Variants in ZNF277 observed in about 807,000 individuals in gnomAD.
ZNF277 encodes nuclear receptor-interacting factor 4.
A neutral mutation model predicts 60.7 loss-of-function variants in ZNF277; 55 were observed. That is an observed-to-expected ratio of 0.91 (90% CI 0.73 to 1.13). ZNF277 has a LOEUF of 1.13. ZNF277 is among the 50% of genes most tolerant of loss of function. ZNF277 has a pLI of 0.00. For missense variants in ZNF277, 510 were observed against 523.0 expected (o/e 0.98, Z 0.24); for synonymous variants, 178 against 179.3 (o/e 0.99, Z 0.06).
At chr7:112,319,772 T>G (rs1172465936) in intron 5 of ZNF277, among the ~76,000 whole-genome samples, 1 of 151,306 alleles carries the variant, frequency 6.6e-6, no homozygotes, top group Non-Finnish European at 1.5e-5. Context: ...AAGGTTTGAT[T>G]CTCAGATCAG....
chr7:112,337,854 T>G (rs1793363857), intron 9 of ZNF277, 28 bp downstream of exon 9: 1 of 1,576,448 alleles, frequency 6.3e-7, no homozygotes, highest in Admixed American at 1.7e-5. Flanking sequence ...ATTTGAATTT[T>G]GTTTTATTCT....
intron 1 of ZNF277, among the ~76,000 whole-genome samples, chr7:112,235,083 G>C (rs1256338860): frequency 6.6e-6 from 1 of 151,644 alleles, no homozygotes. Context: ...TCAATCTTTT[G>C]TGTACTACTG....
chr7:112,271,745 C>T (rs1374331290), intron 1 of ZNF277, among the ~76,000 whole-genome samples: 1 of 151,956 alleles, frequency 6.6e-6, no homozygotes, highest in Non-Finnish European at 1.5e-5. Flanking sequence ...TAAAATTATA[C>T]TTGGTTCTTT....
chr7:112,210,386 T>G (rs1027247071), intron 1 of ZNF277, among the ~76,000 whole-genome samples: 2 of 152,154 alleles, frequency 1.3e-5, no homozygotes, highest in Non-Finnish European at 2.9e-5. Flanking sequence ...GTTGCCAGAC[T>G]TCTGTGGCTC....
chr7:112,317,810 A>T (rs1311512880), intron 4 of ZNF277, among the ~76,000 whole-genome samples: 1 of 152,112 alleles, frequency 6.6e-6, no homozygotes, highest in Non-Finnish European at 1.5e-5. Context: ...TTCAAATGAA[A>T]AATTGATCAG....
At chr7:112,229,564 AG>A (rs1383406263) in intron 1 of ZNF277, among the ~76,000 whole-genome samples, 2 of 152,214 alleles carry the variant, frequency 1.3e-5, no homozygotes, top group Non-Finnish European at 2.9e-5. Context: ...AGCATTTAGT[AG>A]AATCTCTCTA....
At chr7:112,317,151 G>A (rs544435239) in intron 4 of ZNF277, among the ~76,000 whole-genome samples, 1 of 152,128 alleles carries the variant, frequency 6.6e-6, no homozygotes, top group South Asian at 2.1e-4. Context: ...GGCCTATCAG[G>A]GGTTGAGGGG....
chr7:112,325,514 C>T (rs1793073165), intron 5 of ZNF277, among the ~76,000 whole-genome samples: 1 of 152,176 alleles, frequency 6.6e-6, no homozygotes, highest in Non-Finnish European at 1.5e-5. Context: ...GGGTAGCCTC[C>T]CAACACTCAT....
At chr7:112,218,050 TGG>T (rs946261487) in intron 1 of ZNF277, among the ~76,000 whole-genome samples, 1 of 152,172 alleles carries the variant, frequency 6.6e-6, no homozygotes, top group African/African-American at 2.4e-5. Flanking sequence ...TCCCCAAATT[TGG>T]GGAGATTGAT....
rs1391390332 is a variant in ZNF277 at position 112,206,782 on chromosome 7, C to T, written c.66C>T (p.Ser22=). Residue 22 remains serine, a synonymous_variant, in exon 1 of 12, where the codon AGC becomes AGT. Coordinates refer to ENST00000361822, the MANE Select transcript of ZNF277 (RefSeq NM_021994.3). The part of the protein sequence containing the change: ...RMQEDRDGSC[S]TVGGVGYGDS... ...AGGAAGACCGTGATGGGAGCTGCAGCACAGTCGGGGGTGTAGGTTATGGGG... is the reference window on the plus strand; with the variant it reads ...AGGAAGACCGTGATGGGAGCTGCAGTACAGTCGGGGGTGTAGGTTATGGGG... 6.2e-7 allele frequency: 1 copy of T among 1,613,350 alleles called. No individual in the cohort carries two copies. The highest frequency in any genetic ancestry group is 1.1e-5 in the South Asian group (1 of 91,050).
chr7:112,287,222 A>C, intron 2 of ZNF277, 148 bp downstream of exon 2: 1 of 731,200 alleles, frequency 1.4e-6, no homozygotes, highest in Non-Finnish European at 2.2e-6. Flanking sequence ...ACAAAATTTA[A>C]AAATTATCTA....
chr7:112,338,470 A>G lies in ZNF277; in HGVS notation c.966+644A>G, dbSNP rs555475707. Among the ~76,000 whole-genome samples the G allele has an allele frequency of 9.8e-5, 15 of 152,312 alleles. No individual in the cohort carries two copies. The South Asian group carries it at 2.7e-3, about 27-fold the overall frequency. On this transcript the variant is annotated intron_variant, in intron 9 of 11. Coordinates refer to ENST00000361822, the MANE Select transcript of ZNF277 (RefSeq NM_021994.3). Reference sequence around the variant, plus strand: ...ATGTAATGATTCATGATAGTATCACAGCTTGTGGGCAGAGGGGTGATTATA... The same window carrying G: ...ATGTAATGATTCATGATAGTATCACGGCTTGTGGGCAGAGGGGTGATTATA...
At chr7:112,247,494 A>G (rs1348553467) in intron 1 of ZNF277, among the ~76,000 whole-genome samples, 2 of 152,206 alleles carry the variant, frequency 1.3e-5, no homozygotes, top group Non-Finnish European at 2.9e-5. Context: ...TCAGAAATGA[A>G]TAATAAGCTA....
intron 1 of ZNF277, among the ~76,000 whole-genome samples, chr7:112,280,096 G>C (rs968047624): frequency 6.6e-6 from 1 of 152,192 alleles, no homozygotes; most frequent in Non-Finnish European, 1.5e-5. Flanking sequence ...TTGACTCAGA[G>C]CAGCGTGTGG....
At chr7:112,249,478 G>C (rs1006953922) in intron 1 of ZNF277, among the ~76,000 whole-genome samples, 1 of 152,088 alleles carries the variant, frequency 6.6e-6, no homozygotes, top group African/African-American at 2.4e-5. Context: ...CCAGATAGCT[G>C]TGTAAGAATA....
At chr7:112,281,658 G>A (rs914168309) in intron 1 of ZNF277, among the ~76,000 whole-genome samples, 3 of 152,144 alleles carry the variant, frequency 2.0e-5, no homozygotes, top group Admixed American at 2.0e-4. Flanking sequence ...GGCAGAGAAA[G>A]TTCCCCTAAA....
At chr7:112,277,293 A>G (rs906758951) in intron 1 of ZNF277, among the ~76,000 whole-genome samples, 1 of 152,078 alleles carries the variant, frequency 6.6e-6, no homozygotes, top group Non-Finnish European at 1.5e-5. Context: ...CATGTTAGCC[A>G]AGATGGTCTC....
At chr7:112,268,705 A>G (rs190457413) in intron 1 of ZNF277, among the ~76,000 whole-genome samples, 1 of 152,294 alleles carries the variant, frequency 6.6e-6, no homozygotes, top group East Asian at 1.9e-4. Context: ...GATCAGAGTA[A>G]AATGTACCAA....
chr7:112,248,181 G>A (rs1471710763), intron 1 of ZNF277, among the ~76,000 whole-genome samples: 1 of 151,918 alleles, frequency 6.6e-6, no homozygotes, highest in Non-Finnish European at 1.5e-5. Context: ...AGGGACATAA[G>A]AAAATTTAAT....
Sources: gnomAD v4.1 joint callset for allele counts (sites outside exome capture counted in the v4.1 genomes callset) on GRCh38, gnomAD v4.1.1 for gene constraint, MANE v1.5 for transcripts, NCBI Gene and HGNC (gene_info 2026-07-23, HGNC 2026-07-21) for gene names.